Variants in TM4SF1 observed in about 807,000 individuals in gnomAD.
The protein encoded by TM4SF1 is transmembrane 4 L six family member 1, also known as transmembrane 4 L6 family member 1.
In TM4SF1, 20 loss-of-function variants were observed where a neutral mutation model predicts 24.5. The observed-to-expected ratio is 0.82, with a 90% CI of 0.57 to 1.19. The LOEUF is 1.19. Among genes scored for constraint, TM4SF1 ranks in the 50% most tolerant of loss-of-function variants. The pLI is 0.00. For missense variants in TM4SF1, 258 were observed against 248.1 expected (o/e 1.04, Z -0.27); for synonymous variants, 107 against 95.4 (o/e 1.12, Z -0.71).
At position 149,371,962 on chromosome 3, in the gene TM4SF1, G is replaced by T. The variant is rs1435806693; in HGVS notation, c.414-95C>A. 7 of 1,205,612 alleles carry T rather than the reference G, an allele frequency of 5.8e-6. No homozygotes were observed. The Admixed American group carries it at 6.8e-5, about 12-fold the overall frequency. The allele number at this position is 1,205,612 out of a possible 1,614,324, so 74.7% of individuals were successfully genotyped here. A position where few individuals can be genotyped will look rare whatever the true frequency, so the allele number is the denominator to read the frequency against. ...TTGGTGGTTTTTCATTCAGAAAAAA[G>T]GAATGAATTATTCAATATCCTGTGT... On this transcript the variant is annotated intron_variant, in intron 3 of 4. Transcript: ENST00000305366.
At chr3:149,372,938 G>A (rs1296836849) in intron 3 of TM4SF1, among the ~76,000 whole-genome samples, 1 of 152,204 alleles carries the variant, frequency 6.6e-6, no homozygotes, top group Admixed American at 6.5e-5. Flanking sequence ...CAGGGCACGG[G>A]CTCTGTCCTG....
chr3:149,372,784 C>G (rs905636552), intron 3 of TM4SF1, among the ~76,000 whole-genome samples: 1 of 152,126 alleles, frequency 6.6e-6, no homozygotes, highest in Non-Finnish European at 1.5e-5. Flanking sequence ...CCACCACGCC[C>G]GGCTGATAGC....
At chr3:149,370,039 A>G (rs1027794721) in intron 4 of TM4SF1, 159 bp from the exon 5 acceptor site, 4 of 878,898 alleles carry the variant, frequency 4.6e-6, no homozygotes, top group Non-Finnish European at 6.7e-6. Flanking sequence ...TGCTCACAAA[A>G]TGTTTCCTAA....
chr3:149,369,749 AAGT>A lies in TM4SF1; in HGVS notation c.*114_*116del, dbSNP rs752386654. On this transcript the variant is annotated 3_prime_UTR_variant, in exon 5 of 5. Transcript: ENST00000305366. ...TGCCAGTCTTTACAGGCGTTTGTAA[AAGT>A]AGACTGTGGGGAGTATGTTACACTA... is the stretch of plus-strand genomic sequence containing the variant. The A allele has an allele frequency of 7.6e-5, 100 of 1,323,028 alleles. No homozygotes were observed. The highest frequency in any genetic ancestry group is 1.0e-4 in the Non-Finnish European group (95 of 950,342). The allele number at this position is 1,323,028 out of a possible 1,614,324, so 82.0% of individuals were successfully genotyped here.
At chr3:149,377,321 A>T in intron 1 of TM4SF1, 50 bp downstream of exon 1, 1 of 1,547,150 alleles carries the variant, frequency 6.5e-7, no homozygotes, top group Non-Finnish European at 8.7e-7. Flanking sequence ...TACATAATGA[A>T]AACATCTAGG....
intron 1 of TM4SF1, among the ~76,000 whole-genome samples, 164 bp from the exon 2 acceptor site, chr3:149,375,933 C>T (rs930486918): frequency 1.3e-5 from 2 of 152,152 alleles, no homozygotes; most frequent in East Asian, 3.8e-4. Flanking sequence ...AGAAAAAGAC[C>T]ATTTAAATGT....
Position 149,369,596 on chromosome 3 carries a change from T to G in TM4SF1, c.*270A>C, listed in dbSNP as rs2108375857. ...TAGAGTTTATCTCAGATATACTGAG[T>G]ACTGTCACTCAGTCTGTAAATTACC... On this transcript the variant is annotated 3_prime_UTR_variant, in exon 5 of 5. Transcript: ENST00000305366. 2.4e-6 allele frequency: 1 copy of G among 420,992 alleles called. No individual in the cohort carries two copies. 26.1% of individuals were successfully genotyped at this position (420,992 alleles called of 1,614,324 possible).
chr3:149,370,579 T>C (rs1434890743), intron 4 of TM4SF1: 1 of 152,246 alleles, frequency 6.6e-6, no homozygotes, highest in Non-Finnish European at 1.5e-5. Flanking sequence ...CCCTAGAGGA[T>C]ACTTCTCTGC....
At chr3:149,375,802 T>C in intron 1 of TM4SF1, 33 bp from the exon 2 acceptor site, 2 of 1,608,894 alleles carry the variant, frequency 1.2e-6, no homozygotes, top group South Asian at 2.2e-5. Context: ...CAGGTCATTG[T>C]CTTGCTCAGG....
At position 149,377,407 on chromosome 3, in the gene TM4SF1, C is replaced by T. The variant is rs754629005; in HGVS notation, c.141G>A (p.Val47=). 10 of 1,614,074 alleles carry T rather than the reference C, an allele frequency of 6.2e-6. No homozygotes were observed. The East Asian group carries it at 1.3e-4, about 22-fold the overall frequency. ...CTCCTACGATGCCAGAAAAGAACCA[C>T]ACGAAGCGGCTGAGGTGGTTTTCGG... ...YASENHLSRF[V]WFFSGIVGGG... is the part of the protein sequence containing the mutation. The change falls in exon 1 of 5, where the codon GTG becomes GTA. Residue 47 remains valine (V), a synonymous_variant. Transcript: ENST00000305366.
At chr3:149,371,965 A>G in intron 3 of TM4SF1, 98 bp from the exon 4 acceptor site, 1 of 1,187,210 alleles carries the variant, frequency 8.4e-7, no homozygotes, top group Non-Finnish European at 1.2e-6. Flanking sequence ...GAAAAAAGGA[A>G]TGAATTATTC....
In TM4SF1 at chr3:149,371,755, AGAT is replaced by A. The variant is rs1314650705; in HGVS notation, c.523_525del (p.Ile175del). ...CCATTTATTACTTGAATAAGACACA[AGAT>A]GAATTCAATTCCACCAAGAGCCAAG... is the stretch of plus-strand genomic sequence containing the variant. On this transcript the variant is annotated inframe_deletion, in exon 4 of 5. Transcript: ENST00000305366. The A allele has an allele frequency of 8.7e-6, 14 of 1,614,102 alleles. No individual in the cohort carries two copies. The highest frequency in any genetic ancestry group is 1.2e-5 in the Non-Finnish European group (14 of 1,180,030).
At chr3:149,374,674 G>T (rs576800874) in intron 3 of TM4SF1, among the ~76,000 whole-genome samples, 3 of 152,256 alleles carry the variant, frequency 2.0e-5, no homozygotes, top group African/African-American at 7.2e-5. Flanking sequence ...TAAAAAAGGG[G>T]GCATTGTACA....
intron 4 of TM4SF1, chr3:149,370,695 CT>C (rs1432833311): frequency 1.3e-5 from 2 of 152,068 alleles, no homozygotes; most frequent in African/African-American, 4.8e-5. Context: ...CTATACTTGC[CT>C]GATAAGGAAA....
rs1731774111 is a variant in TM4SF1, at chr3:149,369,715, C to T, written c.*151G>A. ...TTTACTAAATTTAAACACTGACATC[C>T]TGTGAAGATGCCAGTCTTTACAGGC... is the stretch of plus-strand genomic sequence containing the variant. On this transcript the variant is annotated 3_prime_UTR_variant, in exon 5 of 5. Transcript: ENST00000305366. The T allele has an allele frequency of 1.2e-6, 1 of 854,372 alleles. No homozygotes were observed. Among genetic ancestry groups the T allele is most frequent in the South Asian group, 1.7e-5 (1 of 59,492 alleles). The allele number at this position is 854,372 out of a possible 1,614,324, so 52.9% of individuals were successfully genotyped here.
rs1731765857 is a variant in TM4SF1 at position 149,369,347 on chromosome 3, A to T, written c.*519T>A. The T allele has an allele frequency of 6.5e-6, 1 of 153,546 alleles. No individual in the cohort carries two copies. Among genetic ancestry groups the T allele is most frequent in the South Asian group, 2.1e-4 (1 of 4,860 alleles). 9.5% of individuals were successfully genotyped at this position (153,546 alleles called of 1,614,324 possible). On this transcript the variant is annotated 3_prime_UTR_variant, in exon 5 of 5. Transcript: ENST00000305366. ...ATCAGTCCTTCCACTCTAAGTAAAT[A>T]TTTGTTTCTCACAGAACACAAGGCA...
rs768725592 is a variant in TM4SF1 at position 149,375,759 on chromosome 3, G to A, written c.188C>T (p.Pro63Leu). ...TTCCAGCCCAATGAAGACAAATGCT[G>A]GCAGGAGCATCTGGTTAGGAAACAA... ...IVGGGLLMLL[P>L]AFVFIGLEQD... The change falls in exon 2 of 5, where the codon CCA (proline) becomes CTA (leucine). Residue 63 changes from proline (P) to leucine (L), a missense_variant. Coordinates refer to ENST00000305366, the MANE Select transcript of TM4SF1 (RefSeq NM_014220.3). The A allele has an allele frequency of 6.2e-7, 1 of 1,614,170 alleles. No individual in the cohort carries two copies. The highest frequency in any genetic ancestry group is 1.7e-5 in the Admixed American group (1 of 60,016).
intron 1 of TM4SF1, among the ~76,000 whole-genome samples, chr3:149,376,470 A>T (rs751480178): frequency 2.0e-5 from 3 of 152,170 alleles, no homozygotes; most frequent in Non-Finnish European, 4.4e-5. Context: ...TGAGTTCAAG[A>T]CCAGCCTGGG....
At chr3:149,373,152 C>T (rs544192458) in intron 3 of TM4SF1, among the ~76,000 whole-genome samples, 31 of 152,222 alleles carry the variant, frequency 2.0e-4, no homozygotes, top group African/African-American at 5.8e-4. Flanking sequence ...TATATCCAGC[C>T]GCTAGAACAG....
Sources: gnomAD v4.1 joint callset for allele counts (sites outside exome capture counted in the v4.1 genomes callset) on GRCh38, gnomAD v4.1.1 for gene constraint, MANE v1.5 for transcripts, NCBI Gene and HGNC (gene_info 2026-07-23, HGNC 2026-07-21) for gene names.